Variants in EYS observed in about 807,000 individuals in gnomAD.
The protein encoded by EYS is EGF-like photoreceptor maintenance factor.
In EYS, 250 loss-of-function variants were observed where a neutral mutation model predicts 282.1. The observed-to-expected ratio is 0.89, with a 90% CI of 0.80 to 0.98. The LOEUF (loss-of-function observed/expected upper bound fraction) is 0.98, where lower values mean the gene tolerates loss of function less well. Among genes scored for constraint, EYS ranks in the 50% least tolerant of loss-of-function variants. The probability of loss-of-function intolerance (pLI) is 0.00; values close to 1 mark genes in which losing one functional copy is unlikely to be tolerated. For missense variants in EYS, 4,016 were observed against 3,709.0 expected (o/e 1.08, Z -2.15); for synonymous variants, 1,355 against 1,282.9 (o/e 1.06, Z -1.20).
chr6:64,510,327 G>C (rs1422267898), intron 26 of EYS, among the ~76,000 whole-genome samples: 1 of 151,862 alleles, frequency 6.6e-6, no homozygotes, highest in African/African-American at 2.4e-5. Flanking sequence ...CAAAAATGTT[G>C]AAAATATTTT....
intron 11 of EYS, chr6:65,330,660 C>T (rs7755788): frequency 1 from 934,476 of 937,492 alleles, 465,793 homozygotes; most frequent in East Asian, 1. Context: ...ACTTTGTGTC[C>T]GTTAACATCA....
At chr6:65,567,392 AAAGAG>A (rs1764310213) in intron 2 of EYS, among the ~76,000 whole-genome samples, 1 of 151,226 alleles carries the variant, frequency 6.6e-6, no homozygotes, top group African/African-American at 2.4e-5. Context: ...TATAGTAATA[AAAGAG>A]AAGTAAAAAT....
chr6:64,745,450 T>C (rs188691572), intron 22 of EYS, among the ~76,000 whole-genome samples: 11 of 152,290 alleles, frequency 7.2e-5, no homozygotes, highest in Admixed American at 6.5e-4. Context: ...TTTTGAGTTG[T>C]AAAATTCAGT....
chr6:64,375,171 A>G (rs909998507), intron 29 of EYS, among the ~76,000 whole-genome samples: 3 of 152,194 alleles, frequency 2.0e-5, no homozygotes, highest in African/African-American at 4.8e-5. Flanking sequence ...GTTAATTAGT[A>G]TATGAATAAG....
rs548950274 is a variant in EYS at position 64,708,024 on chromosome 6, A to C, written c.3444-81779T>G. 5.3e-5 allele frequency among the ~76,000 whole-genome samples: 8 copies of C among 152,268 alleles called. No homozygotes were observed. The South Asian group carries it at 1.0e-3, about 20-fold the overall frequency. ...ATAGAAATATACAGCACAAAAAAAA[A>C]CCCGGATAAACATGGGGGAGCCCAC... On this transcript the variant is annotated intron_variant, in intron 22 of 42. Coordinates refer to ENST00000503581, the MANE Select transcript of EYS (RefSeq NM_001142800.2).
At chr6:64,630,298 C>T (rs927307736) in intron 22 of EYS, among the ~76,000 whole-genome samples, 1 of 152,012 alleles carries the variant, frequency 6.6e-6, no homozygotes, top group Non-Finnish European at 1.5e-5. Context: ...GGGATTTCAC[C>T]ATGTTGGCCA....
At chr6:64,788,313 A>G (rs1774084752) in intron 22 of EYS, among the ~76,000 whole-genome samples, 1 of 152,080 alleles carries the variant, frequency 6.6e-6, no homozygotes, top group African/African-American at 2.4e-5. Flanking sequence ...CGGCCTGGAA[A>G]TCAGAAGCTT....
chr6:64,795,429 T>A (rs939820168), intron 22 of EYS, among the ~76,000 whole-genome samples: 1 of 152,154 alleles, frequency 6.6e-6, no homozygotes. Context: ...TGGACAAATA[T>A]CTATAATTGT....
chr6:64,031,991 T>C (rs1054107853), intron 33 of EYS, among the ~76,000 whole-genome samples: 3 of 152,052 alleles, frequency 2.0e-5, no homozygotes, highest in African/African-American at 7.2e-5. Context: ...TTGCTGCTGC[T>C]CTCTCTTTGG....
intron 12 of EYS, among the ~76,000 whole-genome samples, chr6:65,218,666 C>G (rs998700479): frequency 1.3e-5 from 2 of 152,102 alleles, no homozygotes; most frequent in Non-Finnish European, 2.9e-5. Context: ...AGTCTTTACT[C>G]TAGCCACTCA....
At position 65,402,554 on chromosome 6, in the gene EYS, T is replaced by C. The variant is rs199647597; in HGVS notation, c.1108A>G (p.Ile370Val). Reference sequence around the variant, plus strand: ...GGAAATGACTCACATGATGTTTGAATGCTCTTACAAAGCAAATCTGTAAAT... The same window carrying C: ...GGAAATGACTCACATGATGTTTGAACGCTCTTACAAAGCAAATCTGTAAAT... ...PIFTDLLCKS[I>V]QTSCESFPLR... Residue 370 changes from isoleucine (I) to valine (V), a missense_variant, in exon 7 of 43, where the codon ATT (isoleucine) becomes GTT (valine). Physicochemically the swap from Ile to Val is conservative, Grantham distance 29. Transcript: ENST00000503581. The C allele has an allele frequency of 3.2e-6, 5 of 1,575,266 alleles. No homozygotes were observed. The East Asian group carries it at 6.7e-5, about 21-fold the overall frequency.
chr6:64,313,858 C>G (rs906992329), intron 29 of EYS, among the ~76,000 whole-genome samples: 1 of 152,080 alleles, frequency 6.6e-6, no homozygotes, highest in Admixed American at 6.5e-5. Flanking sequence ...ACAAGAGCTC[C>G]TGAAGGAAGC....
intron 26 of EYS, among the ~76,000 whole-genome samples, chr6:64,541,570 C>T (rs964271337): frequency 7.2e-5 from 11 of 152,150 alleles, no homozygotes; most frequent in African/African-American, 2.4e-4. Context: ...CTCCAACATA[C>T]CATGTTTTCT....
At chr6:63,788,933 G>T in intron 38 of EYS, 125 bp downstream of exon 38, 1 of 907,490 alleles carries the variant, frequency 1.1e-6, no homozygotes, top group Non-Finnish European at 1.7e-6. Flanking sequence ...CCCCTAGTTG[G>T]TACAATAGTC....
intron 12 of EYS, among the ~76,000 whole-genome samples, chr6:65,070,154 T>G (rs565079307): frequency 1.1e-4 from 17 of 152,016 alleles, no homozygotes; most frequent in African/African-American, 4.1e-4. Context: ...AAATCTCCCT[T>G]CCATTACAAA....
chr6:64,643,325 C>T (rs970452142), intron 22 of EYS, among the ~76,000 whole-genome samples: 60 of 152,174 alleles, frequency 3.9e-4, no homozygotes, highest in African/African-American at 1.4e-3. Context: ...ATTAATTTTA[C>T]ACCAACCCAA....
At chr6:65,272,234 T>G (rs1767925587) in intron 12 of EYS, among the ~76,000 whole-genome samples, 1 of 152,202 alleles carries the variant, frequency 6.6e-6, no homozygotes, top group Non-Finnish European at 1.5e-5. Flanking sequence ...GGTGACTATT[T>G]ATTTATCTCT....
At chr6:65,271,851 T>A (rs1767915126) in intron 12 of EYS, among the ~76,000 whole-genome samples, 1 of 152,180 alleles carries the variant, frequency 6.6e-6, no homozygotes. Context: ...CCCAAAGTGC[T>A]GGAATTGCAG....
intron 12 of EYS, among the ~76,000 whole-genome samples, chr6:65,169,448 T>C (rs1330077603): frequency 6.6e-6 from 1 of 151,504 alleles, no homozygotes; most frequent in East Asian, 2.0e-4. Flanking sequence ...ATGTATTACG[T>C]TCTATTTTTA....
Sources: gnomAD v4.1 joint callset for allele counts (sites outside exome capture counted in the v4.1 genomes callset) on GRCh38, gnomAD v4.1.1 for gene constraint, MANE v1.5 for transcripts, NCBI Gene and HGNC (gene_info 2026-07-23, HGNC 2026-07-21) for gene names.